Variants in MAST4 observed in about 807,000 individuals in gnomAD.
MAST4 encodes microtubule associated serine/threonine kinase family member 4.
MAST4 carries 89 observed loss-of-function variants against 162.7 expected under a neutral mutation model. The ratio of observed to expected loss-of-function variants is 0.55; its 90% confidence interval spans 0.46 to 0.65. The LOEUF (loss-of-function observed/expected upper bound fraction) is 0.65. MAST4 is among the 30% of genes least tolerant of loss of function. The pLI, the probability that MAST4 is intolerant of heterozygous loss-of-function variation, is 0.00. For missense variants in MAST4, 3,153 were observed against 3,374.0 expected (o/e 0.93, Z 1.62); for synonymous variants, 1,479 against 1,361.1 (o/e 1.09, Z -1.91).
At chr5:66,641,189 G>C (rs1383097000) in intron 1 of MAST4, among the ~76,000 whole-genome samples, 1 of 152,084 alleles carries the variant, frequency 6.6e-6, no homozygotes, top group South Asian at 2.1e-4. Flanking sequence ...CAGGGTCTCT[G>C]TCACCCAGGC....
At chr5:66,697,201 T>C (rs1749463069) in intron 1 of MAST4, among the ~76,000 whole-genome samples, 1 of 152,214 alleles carries the variant, frequency 6.6e-6, no homozygotes, top group Non-Finnish European at 1.5e-5. Context: ...TTGGAAAACT[T>C]ATATCTGCTA....
chr5:66,964,787 A>T (rs1341413666), intron 4 of MAST4, among the ~76,000 whole-genome samples: 1 of 152,230 alleles, frequency 6.6e-6, no homozygotes, highest in East Asian at 1.9e-4. Context: ...TGGGCGAAAG[A>T]GTGAGACTCC....
chr5:66,697,222 G>A (rs979559610), intron 1 of MAST4, among the ~76,000 whole-genome samples: 3 of 152,160 alleles, frequency 2.0e-5, no homozygotes, highest in Non-Finnish European at 4.4e-5. Context: ...CCCTGAACTT[G>A]AGAGCTTCCC....
At chr5:67,078,921 T>TATATA (rs1561622192) in intron 5 of MAST4, among the ~76,000 whole-genome samples, 17 of 73,312 alleles carry the variant, frequency 2.3e-4, no homozygotes, top group East Asian at 3.6e-4. Context: ...AATATATATA[T>TATATA]ATATATATAT....
At chr5:66,870,025 C>G (rs1227992856) in intron 3 of MAST4, among the ~76,000 whole-genome samples, 1 of 152,050 alleles carries the variant, frequency 6.6e-6, no homozygotes, top group South Asian at 2.1e-4. Flanking sequence ...AATATAGTAC[C>G]TTGGGTGGTG....
chr5:66,826,011 T>C (rs1198318776), intron 3 of MAST4, among the ~76,000 whole-genome samples: 1 of 152,226 alleles, frequency 6.6e-6, no homozygotes, highest in Non-Finnish European at 1.5e-5. Flanking sequence ...GAAGTTTTTA[T>C]TGCATTTTAA....
chr5:66,661,819 G>T (rs80010395), intron 1 of MAST4, among the ~76,000 whole-genome samples: 3,720 of 152,254 alleles, frequency 0.024, 163 homozygotes, highest in African/African-American at 0.086. Context: ...TAACCAAAGG[G>T]TACACTCTGA....
chr5:67,006,199 G>A (rs1752013991), intron 4 of MAST4, among the ~76,000 whole-genome samples: 1 of 152,134 alleles, frequency 6.6e-6, no homozygotes, highest in Non-Finnish European at 1.5e-5. Context: ...GTGCACCTGT[G>A]TGTATGAGAG....
At chr5:66,986,948 G>A (rs1749578929) in intron 4 of MAST4, among the ~76,000 whole-genome samples, 1 of 152,088 alleles carries the variant, frequency 6.6e-6, no homozygotes, top group Non-Finnish European at 1.5e-5. Flanking sequence ...AAATATGCAT[G>A]TACATGTGTA....
Position 66,596,662 on chromosome 5 carries a change from G to C in MAST4, c.7G>C (p.Glu3Gln). 2.0e-6 allele frequency: 3 copies of C among 1,464,196 alleles called. No homozygotes were observed. Among genetic ancestry groups the C allele is most frequent in the Non-Finnish European group, 2.7e-6 (3 of 1,110,294 alleles). The allele number at this position is 1,464,196 out of a possible 1,614,324, so 90.7% of individuals were successfully genotyped here. A position where few individuals can be genotyped will look rare whatever the true frequency, so the allele number is the denominator to read the frequency against. Residue 3 changes from glutamate (E) to glutamine (Q), a missense_variant, in exon 1 of 29, where the codon GAG (glutamate) becomes CAG (glutamine). Around this residue, in one of 7 missense-constraint regions of MAST4, gnomAD observed 327 missense variants for 336.5 expected, o/e 0.97. Transcript: ENST00000403625. MG[E>Q]KVSEAPEPVP... is the part of the protein sequence containing the mutation. ...CTTTGGGCCAGACAGGGAAATGGGG[G>C]AGAAAGTTTCGGAGGCGCCAGAGCC...
chr5:66,855,711 T>C (rs568901561), intron 3 of MAST4, among the ~76,000 whole-genome samples: 3 of 152,314 alleles, frequency 2.0e-5, no homozygotes, highest in Non-Finnish European at 2.9e-5. Flanking sequence ...AGGACTCTTA[T>C]TGGAAACCAG....
At chr5:67,154,968 T>A (rs1307209599) in intron 26 of MAST4, among the ~76,000 whole-genome samples, 1 of 152,240 alleles carries the variant, frequency 6.6e-6, no homozygotes, top group African/African-American at 2.4e-5. Flanking sequence ...GGCTGTATTA[T>A]GGTACTCTCG....
chr5:66,789,724 C>T (rs781271069), intron 3 of MAST4: 23 of 518,844 alleles, frequency 4.4e-5, no homozygotes, highest in South Asian at 3.2e-4. Context: ...CCTGATTTCT[C>T]CACTGTAGTT....
chr5:66,974,952 T>C (rs894412846), intron 4 of MAST4, among the ~76,000 whole-genome samples: 3 of 152,168 alleles, frequency 2.0e-5, no homozygotes, highest in East Asian at 1.9e-4. Context: ...CCCAAAGATA[T>C]CAGGTTCTAA....
chr5:66,805,358 C>A (rs1425391655), intron 3 of MAST4, among the ~76,000 whole-genome samples: 3 of 152,144 alleles, frequency 2.0e-5, no homozygotes, highest in Non-Finnish European at 2.9e-5. Context: ...TCATAAAATT[C>A]TTCTCATTTC....
Position 67,167,043 on chromosome 5 carries a change from G to T in MAST4, c.7864G>T (p.Ala2622Ser). ...TTTGCGTAGCAGCCCTCACAAAAAG[G>T]CCTTGTAACGGGGAGGGCCCAGGGG... ...ESLRSSPHKK[A>S]L Residue 2622 changes from alanine to serine, a missense_variant, in exon 29 of 29, where the codon GCC (alanine) becomes TCC (serine). Coordinates refer to ENST00000403625, the MANE Select transcript of MAST4 (RefSeq NM_001164664.2). The T allele has an allele frequency of 6.3e-7, 1 of 1,581,572 alleles. No individual in the cohort carries two copies. The highest frequency in any genetic ancestry group is 1.2e-5 in the South Asian group (1 of 86,466).
At chr5:67,092,594 C>G (rs145208069) in intron 6 of MAST4, among the ~76,000 whole-genome samples, 2 of 152,254 alleles carry the variant, frequency 1.3e-5, no homozygotes, top group Non-Finnish European at 2.9e-5. Context: ...AAAATACTCT[C>G]GTGCCTTTCC....
At chr5:67,009,601 G>T (rs916089598) in intron 4 of MAST4, among the ~76,000 whole-genome samples, 7 of 152,216 alleles carry the variant, frequency 4.6e-5, no homozygotes, top group Non-Finnish European at 7.3e-5. Context: ...TGTGTAAAAT[G>T]CTTAATGAAA....
chr5:67,068,956 A>G (rs1760571802), intron 5 of MAST4, among the ~76,000 whole-genome samples: 1 of 151,924 alleles, frequency 6.6e-6, no homozygotes, highest in South Asian at 2.1e-4. Flanking sequence ...CCTTTGTAAT[A>G]AAAACCATGC....
Sources: allele counts gnomAD v4.1 joint callset (sites outside exome capture counted in the v4.1 genomes callset), GRCh38; gene constraint gnomAD v4.1.1; regional missense constraint gnomAD v4.1.1; transcripts MANE v1.5; gene names NCBI Gene and HGNC (gene_info 2026-07-23, HGNC 2026-07-21).